The following RWDD3 variants were observed in gnomAD, a reference collection of about 807,000 sequenced individuals.
RWDD3 encodes the protein RWD domain-containing protein 3.
Under a neutral mutation model 26.5 loss-of-function variants are expected in RWDD3, and 30 were observed. The ratio of observed to expected loss-of-function variants is 1.13; its 90% CI spans 0.85 to 1.54. The LOEUF is 1.54. Ranked by LOEUF, RWDD3 falls within the 40% of genes most tolerant of loss-of-function variation. RWDD3 has a pLI of 0.00. For synonymous variants in RWDD3, 113 were observed against 114.5 expected (o/e 0.99, Z 0.09); for missense variants, 296 against 309.1 (o/e 0.96, Z 0.32).
Position 95,244,209 on chromosome 1 carries a change from A to G in RWDD3, c.86-2A>G. ...TAATGATTATTTTTGGATGCCTTCC[A>G]GAGACAGATGGGACCGTGTTCAGAA... On this transcript the variant is annotated splice_acceptor_variant, in intron 1 of 3. Coordinates refer to ENST00000370202, the MANE Select transcript of RWDD3 (RefSeq NM_015485.5). LOFTEE classifies it high-confidence loss of function. The G allele has an allele frequency of 6.2e-7, 1 of 1,611,918 alleles. No homozygotes were observed. The highest frequency in any genetic ancestry group is 8.5e-7 in the Non-Finnish European group (1 of 1,178,114).
In RWDD3 at chr1:95,246,739, T is replaced by C. The variant is rs746329139; in HGVS notation, c.690-17T>C. The C allele has an allele frequency of 5.8e-6, 9 of 1,545,630 alleles. No homozygotes were observed. The Admixed American group carries it at 1.8e-4, about 31-fold the overall frequency. On this transcript the variant is annotated splice_polypyrimidine_tract_variant and intron_variant, in intron 3 of 3. Coordinates refer to ENST00000370202, the MANE Select transcript of RWDD3 (RefSeq NM_015485.5). ...ACAAATCTAGGCATATTCATGAGTT[T>C]CTTTTGTATAATGCAGGTTTCTGGC...
chr1:95,236,290 A>G (rs534696327), intron 1 of RWDD3, among the ~76,000 whole-genome samples: 53 of 150,814 alleles, frequency 3.5e-4, no homozygotes, highest in Non-Finnish European at 2.9e-4. Flanking sequence ...CTCACCATTC[A>G]TTGCACTGCA....
chr1:95,241,158 TA>T (rs907391142), intron 1 of RWDD3, among the ~76,000 whole-genome samples: 32 of 146,588 alleles, frequency 2.2e-4, no homozygotes, highest in Non-Finnish European at 2.9e-4. Context: ...GCAAGATGAT[TA>T]AAAAAAAAAG....
At chr1:95,245,607 A>G (rs932537232) in intron 2 of RWDD3, among the ~76,000 whole-genome samples, 50 of 152,318 alleles carry the variant, frequency 3.3e-4, no homozygotes, top group African/African-American at 1.2e-3. Context: ...GGGTTAAAGT[A>G]TATAGATATA....
At position 95,243,034 on chromosome 1, in the gene RWDD3, T is replaced by C. The variant is rs191886273; in HGVS notation, c.86-1177T>C. ...AAATTCTTCTTATGAAATACACATATAAATTGTATCATTTTAATATGGTCT... is the reference window on the plus strand; with the variant it reads ...AAATTCTTCTTATGAAATACACATACAAATTGTATCATTTTAATATGGTCT... On this transcript the variant is annotated intron_variant, in intron 1 of 3. Transcript: ENST00000370202. 3 of 152,320 alleles carry C rather than the reference T, an allele frequency of 2.0e-5. No homozygotes were observed. The East Asian group carries it at 5.8e-4, about 29-fold the overall frequency. 9.4% of individuals were successfully genotyped at this position (152,320 alleles called of 1,614,324 possible).
intron 1 of RWDD3, among the ~76,000 whole-genome samples, chr1:95,242,418 C>G (rs1557721292): frequency 6.6e-6 from 1 of 152,064 alleles, no homozygotes; most frequent in African/African-American, 2.4e-5. Flanking sequence ...AATGCTTGTT[C>G]AATGATGAAT....
chr1:95,236,321 ACT>A (rs1680354076), intron 1 of RWDD3, among the ~76,000 whole-genome samples: 1 of 135,732 alleles, frequency 7.4e-6, no homozygotes, highest in Non-Finnish European at 1.6e-5. Context: ...CAAGAGTGAA[ACT>A]CTGTCTCAGA....
At chr1:95,241,085 G>T (rs114776859) in intron 1 of RWDD3, among the ~76,000 whole-genome samples, 2,605 of 151,774 alleles carry the variant, frequency 0.017, 90 homozygotes, top group African/African-American at 0.06. Flanking sequence ...CACAAGACCA[G>T]TGATAGAGTT....
intron 1 of RWDD3, among the ~76,000 whole-genome samples, chr1:95,241,815 G>A (rs745766858): frequency 6.6e-6 from 1 of 152,088 alleles, no homozygotes; most frequent in African/African-American, 2.4e-5. Flanking sequence ...AAATGACAAG[G>A]GTCATGAGTA....
At position 95,244,202 on chromosome 1, in the gene RWDD3, G is replaced by T. The variant is rs41292701; in HGVS notation, c.86-9G>T. ...GTACAGCTAATGATTATTTTTGGAT[G>T]CCTTCCAGAGACAGATGGGACCGTG... On this transcript the variant is annotated splice_polypyrimidine_tract_variant and intron_variant, in intron 1 of 3. Coordinates refer to ENST00000370202, the MANE Select transcript of RWDD3 (RefSeq NM_015485.5). 0.02 allele frequency: 32,020 copies of T among 1,608,512 alleles called. 421 individuals carry two copies. Among genetic ancestry groups the T allele is most frequent in the Non-Finnish European group, 0.024 (28,360 of 1,176,072 alleles).
At position 95,246,530 on chromosome 1, in the gene RWDD3, T is replaced by C; in HGVS notation, c.574-12T>C. On this transcript the variant is annotated splice_polypyrimidine_tract_variant and intron_variant, in intron 2 of 3. Transcript: ENST00000370202. The stretch of plus-strand genomic sequence containing the variant: ...GTAAGATATGTATTTAATGTACTGA[T>C]TTATTATTTAGGAGTACTTGATTCT... 6.8e-7 allele frequency: 1 copy of C among 1,459,932 alleles called. No individual in the cohort carries two copies. The highest frequency in any genetic ancestry group is 1.4e-5 in the African/African-American group (1 of 71,430). The allele number at this position is 1,459,932 out of a possible 1,614,324, so 90.4% of individuals were successfully genotyped here.
chr1:95,234,240 C>A lies in RWDD3; in HGVS notation c.10C>A (p.Pro4Thr). The change falls in exon 1 of 4, where the codon CCT (proline) becomes ACT (threonine). Residue 4 changes from proline (P) to threonine (T), a missense_variant. Physicochemically the swap from Pro to Thr is conservative, Grantham distance 38 (BLOSUM62 -1). Transcript: ENST00000370202. The part of the protein sequence containing the change: MAE[P>T]VQEELSVLAA... ...GGTGGGGCCCACAGCCATGGCGGAG[C>A]CTGTGCAGGAGGAGCTCTCGGTCCT... 1 of 1,590,750 alleles carries A rather than the reference C, an allele frequency of 6.3e-7. No homozygotes were observed. Among genetic ancestry groups the A allele is most frequent in the East Asian group, 2.3e-5 (1 of 43,828 alleles).
intron 1 of RWDD3, 87 bp from the exon 2 acceptor site, chr1:95,244,124 G>C: frequency 6.6e-7 from 1 of 1,514,936 alleles, no homozygotes; most frequent in Non-Finnish European, 8.8e-7. Context: ...AAAATAAATT[G>C]ACATTTGAGA....
intron 1 of RWDD3, among the ~76,000 whole-genome samples, chr1:95,237,725 G>T (rs1680422734): frequency 6.6e-6 from 1 of 152,138 alleles, no homozygotes. Flanking sequence ...ATTTGATGGG[G>T]TGACCTGCCA....
At chr1:95,241,869 C>T (rs1016950693) in intron 1 of RWDD3, among the ~76,000 whole-genome samples, 3 of 152,176 alleles carry the variant, frequency 2.0e-5, no homozygotes, top group African/African-American at 7.2e-5. Context: ...CTCCCCACCC[C>T]CCCCAGGGGA....
chr1:95,238,080 C>A (rs907885942), intron 1 of RWDD3, among the ~76,000 whole-genome samples: 6 of 152,176 alleles, frequency 3.9e-5, no homozygotes, highest in African/African-American at 1.4e-4. Context: ...CACCATTTTC[C>A]TGATGAGGAA....
In RWDD3 at chr1:95,244,732, G is replaced by T. The variant is rs763668857; in HGVS notation, c.573+34G>T. The T allele has an allele frequency of 9.4e-6, 15 of 1,590,524 alleles. No homozygotes were observed. In the East Asian group the frequency reaches 3.4e-4, roughly 36 times the overall value. ...AAGTTAAATGTTGAGTATGAATCTGGCTATTTTCTGCTTTAAATGGTGTGT... is the reference window on the plus strand; with the variant it reads ...AAGTTAAATGTTGAGTATGAATCTGTCTATTTTCTGCTTTAAATGGTGTGT... On this transcript the variant is annotated intron_variant, in intron 2 of 3. Coordinates refer to ENST00000370202, the MANE Select transcript of RWDD3 (RefSeq NM_015485.5).
rs368559222 is a variant in RWDD3 at position 95,244,420 on chromosome 1, A to G, written c.295A>G (p.Met99Val). ...EQAESLLSEP[M>V]VHELVLWIQQ... Reference sequence around the variant, plus strand: ...AGCAGAGAGCCTTTTGTCGGAGCCTATGGTTCATGAGCTGGTTCTCTGGAT... The same window carrying G: ...AGCAGAGAGCCTTTTGTCGGAGCCTGTGGTTCATGAGCTGGTTCTCTGGAT... Residue 99 changes from methionine (M) to valine (V), a missense_variant, in exon 2 of 4, where the codon ATG becomes GTG. Met to Val is a conservative substitution (Grantham distance 21). Transcript: ENST00000370202. The G allele has an allele frequency of 3.7e-5, 59 of 1,614,068 alleles. No homozygotes were observed. The highest frequency in any genetic ancestry group is 9.3e-5 in the African/African-American group (7 of 74,922).
chr1:95,239,408 A>G (rs1680509806), intron 1 of RWDD3, among the ~76,000 whole-genome samples: 1 of 152,206 alleles, frequency 6.6e-6, no homozygotes, highest in African/African-American at 2.4e-5. Context: ...AATTGCTTGT[A>G]CAATGTCAAG....
Sources: allele counts gnomAD v4.1 joint callset (sites outside exome capture counted in the v4.1 genomes callset), GRCh38; gene constraint gnomAD v4.1.1; transcripts MANE v1.5; gene names NCBI Gene and HGNC (gene_info 2026-07-23, HGNC 2026-07-21).